SENP7: variants seen among roughly 807,000 people sequenced by gnomAD.
SENP7 encodes the protein SUMO specific peptidase 7, also known as sentrin-specific protease 7.
SENP7 carries 64 observed loss-of-function variants against 141.2 expected under a neutral mutation model. The ratio of observed to expected loss-of-function variants is 0.45; its 90% CI spans 0.37 to 0.56. The LOEUF (loss-of-function observed/expected upper bound fraction) is 0.56. Among genes scored for constraint, SENP7 ranks in the 20% least tolerant of loss-of-function variants. SENP7 has a pLI of 0.00. For missense variants in SENP7, 1,025 were observed against 1,212.2 expected (o/e 0.85, Z 2.29); for synonymous variants, 382 against 426.4 (o/e 0.90, Z 1.28).
intron 2 of SENP7, among the ~76,000 whole-genome samples, chr3:101,495,324 T>C (rs1393382384): frequency 1.3e-5 from 2 of 152,206 alleles, no homozygotes; most frequent in South Asian, 2.1e-4. Context: ...AGTTCAACCA[T>C]TGTGGAAGAC....
At chr3:101,475,681 C>T (rs1335879570) in intron 3 of SENP7, among the ~76,000 whole-genome samples, 4 of 151,708 alleles carry the variant, frequency 2.6e-5, no homozygotes, top group Non-Finnish European at 4.4e-5. Context: ...ACATCCTGCA[C>T]GTATACCCTG....
intron 5 of SENP7, among the ~76,000 whole-genome samples, chr3:101,404,964 C>T (rs2061256276): frequency 6.6e-6 from 1 of 152,222 alleles, no homozygotes; most frequent in African/African-American, 2.4e-5. Context: ...CGTTCTCTCA[C>T]AGCCCTCAAA....
In SENP7 at chr3:101,351,354, T is replaced by C. The variant is rs80222852; in HGVS notation, c.1657+264A>G. 0.018 allele frequency among the ~76,000 whole-genome samples: 2,719 copies of C among 151,956 alleles called. 37 individuals carry two copies. Among genetic ancestry groups the C allele is most frequent in the Middle Eastern group, 0.035 (10 of 288 alleles). ...TAGTTACTATTGTTATCCATTTTTA[T>C]ATATACCAAAATATTGTTGCTATCT... On this transcript the variant is annotated intron_variant, in intron 12 of 23. Coordinates refer to ENST00000394095, the MANE Select transcript of SENP7 (RefSeq NM_020654.5).
At chr3:101,344,011 T>C in intron 13 of SENP7, 57 bp from the exon 14 acceptor site, 1 of 1,111,656 alleles carries the variant, frequency 9.0e-7, no homozygotes, top group Non-Finnish European at 1.3e-6. Context: ...AGGATTATAA[T>C]ACAAGTAATT....
chr3:101,337,485 A>C, intron 17 of SENP7, 24 bp downstream of exon 17: 2 of 1,444,122 alleles, frequency 1.4e-6, no homozygotes. Flanking sequence ...CTTAAAACTT[A>C]AGTACATTAG....
chr3:101,447,272 C>T (rs1280192822), intron 4 of SENP7, among the ~76,000 whole-genome samples: 4 of 151,992 alleles, frequency 2.6e-5, no homozygotes, highest in Non-Finnish European at 5.9e-5. Context: ...CAATGAGACC[C>T]CGTCTCTACA....
At chr3:101,480,761 C>G (rs1198737633) in intron 3 of SENP7, among the ~76,000 whole-genome samples, 1 of 151,966 alleles carries the variant, frequency 6.6e-6, no homozygotes, top group Non-Finnish European at 1.5e-5. Context: ...CCAGAATACA[C>G]AAGGAACTCA....
chr3:101,494,749 A>G (rs1202480843), intron 2 of SENP7, among the ~76,000 whole-genome samples: 1 of 152,236 alleles, frequency 6.6e-6, no homozygotes, highest in Non-Finnish European at 1.5e-5. Context: ...CCATATGCAA[A>G]AATTGAAACT....
chr3:101,496,417 G>A (rs746086377), intron 2 of SENP7, among the ~76,000 whole-genome samples: 1 of 151,880 alleles, frequency 6.6e-6, no homozygotes, highest in Non-Finnish European at 1.5e-5. Context: ...CATCATATCT[G>A]ACTAATTTTT....
At chr3:101,502,921 TAA>T (rs371641769) in intron 1 of SENP7, among the ~76,000 whole-genome samples, 63 of 134,604 alleles carry the variant, frequency 4.7e-4, no homozygotes, top group Admixed American at 5.3e-4. Context: ...GTCTCAGATT[TAA>T]AAAAAAAAAA....
chr3:101,369,001 T>C (rs189994352), intron 7 of SENP7, among the ~76,000 whole-genome samples: 5 of 152,314 alleles, frequency 3.3e-5, no homozygotes, highest in African/African-American at 1.2e-4. Context: ...TTTTCAATAA[T>C]CAAGACCCTG....
At chr3:101,409,159 C>A (rs1223713731) in intron 5 of SENP7, among the ~76,000 whole-genome samples, 2 of 152,028 alleles carry the variant, frequency 1.3e-5, no homozygotes, top group African/African-American at 4.8e-5. Flanking sequence ...AGAATCAAAT[C>A]AAAAACTCAA....
chr3:101,367,649 G>A (rs1282403215), intron 8 of SENP7, among the ~76,000 whole-genome samples, 181 bp downstream of exon 8: 1 of 152,036 alleles, frequency 6.6e-6, no homozygotes, highest in African/African-American at 2.4e-5. Flanking sequence ...CAATAACTCT[G>A]TATCACCAAG....
In SENP7 at chr3:101,374,886, C is replaced by T. The variant is rs2553431; in HGVS notation, c.678-2760G>A. Among the ~76,000 whole-genome samples, 277 of 151,188 alleles carry T rather than the reference C, an allele frequency of 1.8e-3. 1 individual carries two copies. Among genetic ancestry groups the T allele is most frequent in the African/African-American group, 6.3e-3 (261 of 41,174 alleles). On this transcript the variant is annotated intron_variant, in intron 6 of 23. Coordinates refer to ENST00000394095, the MANE Select transcript of SENP7 (RefSeq NM_020654.5). Reference sequence around the variant, plus strand: ...CCACATATATATTAAAGGATTAATACTGATAATAATAAAGACCTCCTACAG... The same window carrying T: ...CCACATATATATTAAAGGATTAATATTGATAATAATAAAGACCTCCTACAG...
intron 3 of SENP7, among the ~76,000 whole-genome samples, chr3:101,486,119 C>T (rs889515367): frequency 1.3e-5 from 2 of 152,070 alleles, no homozygotes; most frequent in East Asian, 3.9e-4. Context: ...TTATGTTAAA[C>T]GACCAAACAT....
At chr3:101,406,609 G>A (rs1227539524) in intron 5 of SENP7, among the ~76,000 whole-genome samples, 1 of 151,748 alleles carries the variant, frequency 6.6e-6, no homozygotes, top group Non-Finnish European at 1.5e-5. Flanking sequence ...AGGTGTTCCT[G>A]AGGAAAAAGA....
At chr3:101,420,720 G>C (rs2061767962) in intron 4 of SENP7, among the ~76,000 whole-genome samples, 1 of 152,122 alleles carries the variant, frequency 6.6e-6, no homozygotes, top group Non-Finnish European at 1.5e-5. Context: ...CATGACATCA[G>C]GTATGAAATA....
intron 6 of SENP7, among the ~76,000 whole-genome samples, chr3:101,388,757 T>C (rs924408067): frequency 1.3e-5 from 2 of 150,572 alleles, no homozygotes; most frequent in Non-Finnish European, 3.0e-5. Context: ...AGGAAAACAA[T>C]TCAGGATCTG....
At position 101,496,151 on chromosome 3, in the gene SENP7, C is replaced by T. The variant is rs992509371; in HGVS notation, c.91-2183G>A. Among the ~76,000 whole-genome samples the T allele has an allele frequency of 7.9e-5, 12 of 152,220 alleles. No homozygotes were observed. The East Asian group carries it at 2.3e-3, about 29-fold the overall frequency. On this transcript the variant is annotated intron_variant, in intron 2 of 23. Transcript: ENST00000394095. Reference sequence around the variant, plus strand: ...AAGGATACACACCAAAGTATTAATTCTGGTTGTGTCTGGGTGGCCTTAATT... The same window carrying T: ...AAGGATACACACCAAAGTATTAATTTTGGTTGTGTCTGGGTGGCCTTAATT...
Sources: gnomAD v4.1 joint callset for allele counts (sites outside exome capture counted in the v4.1 genomes callset) on GRCh38, gnomAD v4.1.1 for gene constraint, MANE v1.5 for transcripts, NCBI Gene and HGNC (gene_info 2026-07-23, HGNC 2026-07-21) for gene names.